The following COG8 variants were observed in gnomAD, a reference collection of about 807,000 sequenced individuals.
The protein encoded by COG8 is conserved oligomeric Golgi complex subunit 8.
COG8 carries 45 observed loss-of-function variants against 46.5 expected under a neutral mutation model. The observed-to-expected ratio is 0.97, with a 90% CI of 0.76 to 1.24. The LOEUF is 1.24. COG8 is among the 50% of genes most tolerant of loss of function. The pLI, the probability that COG8 is intolerant of heterozygous loss-of-function variation, is 0.00. For missense variants in COG8, 793 were observed against 820.8 expected (o/e 0.97, Z 0.41); for synonymous variants, 407 against 347.8 (o/e 1.17, Z -1.90).
chr16:69,333,924 A>T lies in COG8; in HGVS notation c.1413+597T>A, dbSNP rs36092963. On this transcript the variant is annotated intron_variant, in intron 3 of 5. Transcript: ENST00000306875. Reference sequence around the variant, plus strand: ...AGTCCCTAATCATCTGACTTAATCAAATGAAGTTTTTAAAAGGAGGTACCT... The same window carrying T: ...AGTCCCTAATCATCTGACTTAATCATATGAAGTTTTTAAAAGGAGGTACCT... Among the ~76,000 whole-genome samples, 1,286 of 152,346 alleles carry T rather than the reference A, an allele frequency of 8.4e-3. 48 individuals are homozygous for T. Among genetic ancestry groups the T allele is most frequent in the East Asian group, 0.065 (339 of 5,186 alleles).
chr16:69,339,318 T>TCTGCTGCAGCAGCTGCGCCCG lies in COG8; in HGVS notation c.214_234dup (p.Arg72_Gln78dup), dbSNP rs1488881179. 10 of 1,610,488 alleles carry TCTGCTGCAGCAGCTGCGCCCG rather than the reference T, an allele frequency of 6.2e-6. No homozygotes were observed. Among genetic ancestry groups the TCTGCTGCAGCAGCTGCGCCCG allele is most frequent in the Non-Finnish European group, 8.5e-6 (10 of 1,179,236 alleles). The stretch of plus-strand genomic sequence containing the variant: ...TAGTTAGCGAAGGCCAAGTCGCGCG[T>TCTGCTGCAGCAGCTGCGCCCG]CTGCTGCAGCAGCTGCGCCCGCTCC... On this transcript the variant is annotated inframe_insertion, in exon 1 of 6. Coordinates refer to ENST00000306875, the MANE Select transcript of COG8 (RefSeq NM_032382.5).
At chr16:69,339,121 C>T in intron 1 of COG8, 55 bp downstream of exon 1, 1 of 1,611,018 alleles carries the variant, frequency 6.2e-7, no homozygotes, top group Non-Finnish European at 8.5e-7. Flanking sequence ...TTTCTACCAT[C>T]GTAAATGTCA....
intron 5 of COG8, chr16:69,330,534 G>C (rs184453457): frequency 6.8e-7 from 1 of 1,477,144 alleles, no homozygotes; most frequent in East Asian, 2.9e-5. Context: ...GCCGCCCACA[G>C]TGGCCAAAGA....
intron 5 of COG8, 37 bp from the exon 6 acceptor site, chr16:69,329,216 G>T (rs765407383): frequency 1.3e-6 from 2 of 1,538,696 alleles, no homozygotes; most frequent in Admixed American, 2.1e-5. Context: ...AGTGGGAACA[G>T]CTGAACTGCA....
At chr16:69,330,020 C>A (rs1174751763) in intron 5 of COG8, 10 of 1,540,512 alleles carry the variant, frequency 6.5e-6, no homozygotes, top group African/African-American at 4.2e-5. Flanking sequence ...CGCCTGGAAG[C>A]GGGGCACGCA....
chr16:69,332,693 A>G, intron 4 of COG8, 21 bp downstream of exon 4: 1 of 1,605,208 alleles, frequency 6.2e-7, no homozygotes. Flanking sequence ...AAGGCAGTTT[A>G]CAGAATTTTC....
At position 69,334,769 on chromosome 16, in the gene COG8, T is replaced by C; in HGVS notation, c.1165A>G (p.Lys389Glu). ...TAGGAGTTCATTTCTTCCTGGAATT[T>C]CTCCACTGTTTCCTGAATTGCTTTC... ...FQKAIQETVE[K>E]FQEEMNSYML... Residue 389 changes from lysine (K) to glutamate (E), a missense_variant, in exon 3 of 6, where the codon AAA becomes GAA. Transcript: ENST00000306875. 6.2e-7 allele frequency: 1 copy of C among 1,614,126 alleles called. No individual in the cohort carries two copies. Among genetic ancestry groups the C allele is most frequent in the Non-Finnish European group, 8.5e-7 (1 of 1,180,046 alleles).
Position 69,339,337 on chromosome 16 carries a change from C to T in COG8, c.216G>A (p.Arg72=). The change falls in exon 1 of 6, where the codon CGG becomes CGA. Residue 72 remains arginine (R), a synonymous_variant. Transcript: ENST00000306875. ...RREPERLAEE[R]AQLLQQTRDL... is the part of the protein sequence containing the mutation. ...CGCGCGTCTGCTGCAGCAGCTGCGC[C>T]CGCTCCTCCGCCAGGCGCTCGGGCT... 1.2e-6 allele frequency: 2 copies of T among 1,604,200 alleles called. No individual in the cohort carries two copies. Among genetic ancestry groups the T allele is most frequent in the South Asian group, 1.1e-5 (1 of 90,626 alleles).
chr16:69,339,508 TGCTGTG>T lies in COG8; in HGVS notation c.39_44del (p.Thr14_Ala15del), dbSNP rs760106237. On this transcript the variant is annotated inframe_deletion, in exon 1 of 6. Transcript: ENST00000306875. ...CATCCTCCACCTCGCCGAGAGCCGCTGCTGTGGCCGTGGCTACCGATGGGATAGTCG... is the reference window on the plus strand; with the variant it reads ...CATCCTCCACCTCGCCGAGAGCCGCTGCCGTGGCTACCGATGGGATAGTCG... 1.2e-6 allele frequency: 2 copies of T among 1,607,682 alleles called. No individual in the cohort carries two copies. The highest frequency in any genetic ancestry group is 8.5e-7 in the Non-Finnish European group (1 of 1,179,900).
Position 69,339,175 on chromosome 16 carries a change from C to T in COG8, c.377+1G>A. On this transcript the variant is annotated splice_donor_variant, in intron 1 of 5. Coordinates refer to ENST00000306875, the MANE Select transcript of COG8 (RefSeq NM_032382.5). LOFTEE classifies it high-confidence loss of function. ...CCCCTTTAGCGCCAGGCGCGTCGCA[C>T]CTGCAGCTCTGCTGGAAGCTGGGCA... is the stretch of plus-strand genomic sequence containing the variant. 1.2e-6 allele frequency: 2 copies of T among 1,612,940 alleles called. No individual in the cohort carries two copies. The highest frequency in any genetic ancestry group is 1.7e-6 in the Non-Finnish European group (2 of 1,179,902).
intron 3 of COG8, 72 bp from the exon 4 acceptor site, chr16:69,332,954 C>CA (rs1034969694): frequency 2.7e-4 from 396 of 1,449,298 alleles, no homozygotes; most frequent in Middle Eastern, 2.0e-3. Flanking sequence ...TGAAACTAGG[C>CA]AAAAAAATGT....
intron 2 of COG8, among the ~76,000 whole-genome samples, chr16:69,336,267 G>A (rs1051862841): frequency 3.3e-5 from 5 of 152,076 alleles, no homozygotes; most frequent in African/African-American, 4.8e-5. Context: ...CCATTAGCAC[G>A]TAAGCTGCAT....
chr16:69,329,315 CCTCTT>C, intron 5 of COG8, 136 bp from the exon 6 acceptor site: 1 of 909,260 alleles, frequency 1.1e-6, no homozygotes, highest in Admixed American at 3.6e-5. Flanking sequence ...GACAGCAGCT[CCTCTT>C]CTAACTGGAA....
At chr16:69,329,247 C>A in intron 5 of COG8, 68 bp from the exon 6 acceptor site, 1 of 1,447,908 alleles carries the variant, frequency 6.9e-7, no homozygotes, top group Non-Finnish European at 9.0e-7. Flanking sequence ...CCTCCCTACC[C>A]CTGCCCCCGG....
At chr16:69,339,070 C>T in intron 1 of COG8, 106 bp downstream of exon 1, 1 of 1,506,692 alleles carries the variant, frequency 6.6e-7, no homozygotes, top group African/African-American at 1.4e-5. Context: ...AAGCGCTCAG[C>T]AGAGAACCTG....
In COG8 at chr16:69,331,453, CAAAAAAA is replaced by C. The variant is rs1185929938; in HGVS notation, c.1583-365_1583-359del. Among the ~76,000 whole-genome samples the C allele has an allele frequency of 0.019, 1,153 of 61,234 alleles. 33 individuals are homozygous for C. In the South Asian group the frequency reaches 0.2, roughly 10 times the overall value. The allele number at this position is 61,234 out of a possible 152,430, so 40.2% of individuals were successfully genotyped here. A position where few individuals can be genotyped will look rare whatever the true frequency, so the allele number is the denominator to read the frequency against. On this transcript the variant is annotated intron_variant, in intron 4 of 5. Coordinates refer to ENST00000306875, the MANE Select transcript of COG8 (RefSeq NM_032382.5). ...GGGCCACAAGAGCAAAACTCCGTCTCAAAAAAAAAAAAAAAAAAAAAAAAGGAAATTT... is the reference window on the plus strand; with the variant it reads ...GGGCCACAAGAGCAAAACTCCGTCTCAAAAAAAAAAAAAAAAAGGAAATTT...
In COG8 at chr16:69,334,833, C is replaced by T. The variant is rs2012097775; in HGVS notation, c.1101G>A (p.Leu367=). 6.2e-7 allele frequency: 1 copy of T among 1,614,068 alleles called. No individual in the cohort carries two copies. Among genetic ancestry groups the T allele is most frequent in the Admixed American group, 1.7e-5 (1 of 60,008 alleles). Residue 367 remains leucine, a synonymous_variant, in exon 3 of 6, where the codon TTG becomes TTA. Coordinates refer to ENST00000306875, the MANE Select transcript of COG8 (RefSeq NM_032382.5). ...TGGCCACCCGCTGGAAAACAGGAGC[C>T]AACTGACCCCGGAAATCAGCTCCCA... ...SRVGADFRGQ[L]APVFQRVAIS...
chr16:69,334,973 G>A lies in COG8; in HGVS notation c.961C>T (p.Gln321Ter). ...ESAIFHGWVL[Q>*]KVSQFLQVLE... ...ACCTGCAGGAATTGTGAGACCTTCT[G>A]TAGCACCCAGCCATGGAAGATGGCA... The change falls in exon 3 of 6, where the codon CAG becomes TAG. Residue 321 changes from glutamine to a stop codon, truncating the protein, a stop_gained. Transcript: ENST00000306875. LOFTEE classifies it high-confidence loss of function. 2 of 1,614,186 alleles carry A rather than the reference G, an allele frequency of 1.2e-6. No homozygotes were observed. Among genetic ancestry groups the A allele is most frequent in the Non-Finnish European group, 1.7e-6 (2 of 1,180,038 alleles).
rs559986836 is a variant in COG8, at chr16:69,327,812, G to A, written c.*1394C>T. On this transcript the variant is annotated 3_prime_UTR_variant, in exon 6 of 6. Transcript: ENST00000306875. ...GGATTGCCTGAGACCAGGAATTTGA[G>A]GCCAGCCTGGGCAACATAGTAAGAC... 13 of 151,794 alleles carry A rather than the reference G, an allele frequency of 8.6e-5. No homozygotes were observed. The East Asian group carries it at 2.5e-3, about 29-fold the overall frequency. 9.4% of individuals were successfully genotyped at this position (151,794 alleles called of 1,614,324 possible). A position where few individuals can be genotyped will look rare whatever the true frequency, so the allele number is the denominator to read the frequency against.
Sources: allele counts gnomAD v4.1 joint callset (sites outside exome capture counted in the v4.1 genomes callset), GRCh38; gene constraint gnomAD v4.1.1; transcripts MANE v1.5; gene names NCBI Gene and HGNC (gene_info 2026-07-23, HGNC 2026-07-21).